SLC1A7: variants seen among roughly 807,000 people sequenced by gnomAD.
SLC1A7 encodes excitatory amino acid transporter 5.
Under a neutral mutation model 47.7 loss-of-function variants are expected in SLC1A7, and 40 were observed. That is an observed-to-expected ratio of 0.84 (90% confidence interval 0.65 to 1.09). SLC1A7 has a LOEUF of 1.09. SLC1A7 is among the 50% of genes least tolerant of loss of function. The pLI, the probability that SLC1A7 is intolerant of heterozygous loss-of-function variation, is 0.00. For missense variants in SLC1A7, 746 were observed against 769.5 expected (o/e 0.97, Z 0.36); for synonymous variants, 323 against 325.6 (o/e 0.99, Z 0.09).
intron 1 of SLC1A7, among the ~76,000 whole-genome samples, chr1:53,137,287 CAA>C (rs60113708): frequency 2.0e-4 from 20 of 100,728 alleles, no homozygotes; most frequent in Admixed American, 2.6e-4. Context: ...ACGCTATCTC[CAA>C]AAAAAAAAAA....
chr1:53,117,973 G>C (rs2150335728), intron 2 of SLC1A7, among the ~76,000 whole-genome samples: 1 of 152,410 alleles, frequency 6.6e-6, no homozygotes, highest in Non-Finnish European at 1.5e-5. Context: ...TGGCGGAAGG[G>C]AGAGGTGAGC....
At chr1:53,101,174 C>T (rs556461643) in intron 5 of SLC1A7, among the ~76,000 whole-genome samples, 13 of 147,558 alleles carry the variant, frequency 8.8e-5, no homozygotes, top group East Asian at 8.3e-4. Context: ...CACCCTGCCT[C>T]GGAACACTCA....
chr1:53,134,325 C>T, intron 2 of SLC1A7, 25 bp downstream of exon 2: 4 of 1,588,806 alleles, frequency 2.5e-6, no homozygotes, highest in African/African-American at 2.7e-5. Flanking sequence ...GGTTCCGGAC[C>T]ACCTGGTCAA....
chr1:53,137,287 C>CAAAAAAAAAAAA lies in SLC1A7; in HGVS notation c.136-2870_136-2859dup, dbSNP rs60113708. Among the ~76,000 whole-genome samples the CAAAAAAAAAAAA allele has an allele frequency of 5.3e-3, 532 of 100,476 alleles. 6 individuals carry two copies. Among genetic ancestry groups the CAAAAAAAAAAAA allele is most frequent in the East Asian group, 6.6e-3 (24 of 3,614 alleles). The allele number at this position is 100,476 out of a possible 152,430, so 65.9% of individuals were successfully genotyped here. ...GGGCAACAGAGGGAGACGCTATCTCCAAAAAAAAAAAAGTGCTCTACTGAT... is the reference window on the plus strand; with the variant it reads ...GGGCAACAGAGGGAGACGCTATCTCCAAAAAAAAAAAAAAAAAAAAAAAAGTGCTCTACTGAT... On this transcript the variant is annotated intron_variant, in intron 1 of 10. Coordinates refer to ENST00000371494, the MANE Select transcript of SLC1A7 (RefSeq NM_006671.6).
At chr1:53,095,486 T>G (rs1644475347) in intron 5 of SLC1A7, among the ~76,000 whole-genome samples, 1 of 136,352 alleles carries the variant, frequency 7.3e-6, no homozygotes, top group Non-Finnish European at 1.6e-5. Flanking sequence ...CTCAGTACAT[T>G]CACACCGCCT....
chr1:53,089,790 G>A lies in SLC1A7; in HGVS notation c.1361+10C>T. ...CCAGAGGGCTAGAGCTAGAGGCAAA[G>A]TCCACTCACAGAGCCCAGTCAACGG... is the stretch of plus-strand genomic sequence containing the variant. On this transcript the variant is annotated intron_variant, in intron 9 of 10. Coordinates refer to ENST00000371494, the MANE Select transcript of SLC1A7 (RefSeq NM_006671.6). 1 of 1,613,722 alleles carries A rather than the reference G, an allele frequency of 6.2e-7. No homozygotes were observed. Among genetic ancestry groups the A allele is most frequent in the South Asian group, 1.1e-5 (1 of 91,026 alleles).
At chr1:53,099,041 C>T (rs1186506878) in intron 5 of SLC1A7, among the ~76,000 whole-genome samples, 2 of 151,430 alleles carry the variant, frequency 1.3e-5, no homozygotes, top group African/African-American at 4.9e-5. Flanking sequence ...CACACCCTGC[C>T]TCTGTACACT....
intron 5 of SLC1A7, 135 bp downstream of exon 5, chr1:53,103,211 T>C: frequency 1.5e-6 from 1 of 670,472 alleles, no homozygotes; most frequent in Non-Finnish European, 2.5e-6. Context: ...ACAGGTGTGG[T>C]GAATATTTCC....
At position 53,142,329 on chromosome 1, in the gene SLC1A7, G is replaced by T. The variant is rs375136400; in HGVS notation, c.121C>A (p.Arg41Ser). 6.4e-7 allele frequency: 1 copy of T among 1,561,546 alleles called. No individual in the cohort carries two copies. The highest frequency in any genetic ancestry group is 1.9e-5 in the Admixed American group (1 of 52,290). The change falls in exon 1 of 11, where the codon CGC (arginine) becomes AGC (serine). Residue 41 changes from arginine to serine, a missense_variant. Transcript: ENST00000371494. ...CLLGFFLRTR[R>S]LSPQEISYFQ... ...GGGTGGCTGACCTGTGGTGAGAGGC[G>T]CCGGGTCCTCAAGAAGAAGCCGAGG...
chr1:53,100,452 T>TC (rs1372035624), intron 5 of SLC1A7, among the ~76,000 whole-genome samples: 1 of 149,772 alleles, frequency 6.7e-6, no homozygotes, highest in Non-Finnish European at 1.5e-5. Flanking sequence ...CCCACCTCGG[T>TC]CCACTCATAC....
Position 53,103,408 on chromosome 1 carries a change from G to A in SLC1A7, c.635C>T (p.Ser212Leu). The change falls in exon 5 of 11, where the codon TCA becomes TTA. Residue 212 changes from serine (S) to leucine (L), a missense_variant. Ser to Leu is a moderately radical substitution (Grantham distance 145). Coordinates refer to ENST00000371494, the MANE Select transcript of SLC1A7 (RefSeq NM_006671.6). ...LTPPPEVVYK[S>L]EPGTSDGMNV... ...CATGCCATCGCTGGTGCCCGGCTCT[G>A]ACTTGTAAACGACCTCGGGCGGCGG... 1 of 1,611,678 alleles carries A rather than the reference G, an allele frequency of 6.2e-7. No homozygotes were observed.
At position 53,087,851 on chromosome 1, in the gene SLC1A7, A is replaced by T. The variant is rs942612630; in HGVS notation, c.*158T>A. On this transcript the variant is annotated 3_prime_UTR_variant, in exon 11 of 11. Coordinates refer to ENST00000371494, the MANE Select transcript of SLC1A7 (RefSeq NM_006671.6). The stretch of plus-strand genomic sequence containing the variant: ...CCATGCAGCCTTTCCCTTCTCTGAG[A>T]TACATTTTCCGTCAAGCGGGGTTAA... 4.7e-6 allele frequency: 2 copies of T among 427,152 alleles called. No homozygotes were observed. Among genetic ancestry groups the T allele is most frequent in the Non-Finnish European group, 8.3e-6 (2 of 241,484 alleles). The allele number at this position is 427,152 out of a possible 1,614,324, so 26.5% of individuals were successfully genotyped here.
chr1:53,129,031 T>G lies in SLC1A7; in HGVS notation c.215+5319A>C, dbSNP rs1644911836. Among the ~76,000 whole-genome samples the G allele has an allele frequency of 1.4e-5, 2 of 139,782 alleles. 1 individual carries two copies. The allele number at this position is 139,782 out of a possible 152,430, so 91.7% of individuals were successfully genotyped here. ...CCGTCTCTACTAAGAATTCAAAAAT[T>G]TGCTGGTCATGGTGGCGGGTGCCTG... On this transcript the variant is annotated intron_variant, in intron 2 of 10. Coordinates refer to ENST00000371494, the MANE Select transcript of SLC1A7 (RefSeq NM_006671.6).
At chr1:53,099,519 T>C (rs1644546686) in intron 5 of SLC1A7, among the ~76,000 whole-genome samples, 1 of 148,880 alleles carries the variant, frequency 6.7e-6, no homozygotes, top group African/African-American at 2.5e-5. Flanking sequence ...TCACACCACC[T>C]TGGTACACTC....
intron 2 of SLC1A7, among the ~76,000 whole-genome samples, chr1:53,117,223 G>A (rs961167367): frequency 2.0e-5 from 3 of 152,312 alleles, no homozygotes; most frequent in African/African-American, 7.2e-5. Flanking sequence ...ACACCGTGCT[G>A]TTCGATGTGG....
intron 2 of SLC1A7, among the ~76,000 whole-genome samples, chr1:53,122,827 C>G (rs529984452): frequency 6.2e-4 from 94 of 152,250 alleles, no homozygotes; most frequent in Non-Finnish European, 1.1e-3. Context: ...AATCCGCCTC[C>G]GGGGAAGAGC....
At chr1:53,135,273 C>A (rs1438641118) in intron 1 of SLC1A7, among the ~76,000 whole-genome samples, 2 of 152,148 alleles carry the variant, frequency 1.3e-5, no homozygotes, top group Non-Finnish European at 2.9e-5. Flanking sequence ...ACAGTGGGTA[C>A]CCCAACATGA....
chr1:53,132,268 T>C (rs1165820827), intron 2 of SLC1A7, among the ~76,000 whole-genome samples: 2 of 151,954 alleles, frequency 1.3e-5, no homozygotes, highest in Non-Finnish European at 2.9e-5. Flanking sequence ...GTGGAATAGA[T>C]GGGACGGGGA....
chr1:53,091,388 C>G (rs1246761820), intron 7 of SLC1A7, among the ~76,000 whole-genome samples: 2 of 152,228 alleles, frequency 1.3e-5, no homozygotes, highest in Non-Finnish European at 2.9e-5. Flanking sequence ...CGGGCCTCTG[C>G]CTGGAAGGCC....
Sources: gnomAD v4.1 joint callset for allele counts (sites outside exome capture counted in the v4.1 genomes callset) on GRCh38, gnomAD v4.1.1 for gene constraint, MANE v1.5 for transcripts, NCBI Gene and HGNC (gene_info 2026-07-23, HGNC 2026-07-21) for gene names.